DACH2: variants seen among roughly 807,000 people sequenced by gnomAD.
DACH2 encodes the protein dachshund family transcription factor 2.
DACH2 carries 17 observed loss-of-function variants against 35.8 expected under a neutral mutation model. The ratio of observed to expected loss-of-function variants is 0.48; its 90% CI spans 0.33 to 0.71. The LOEUF is 0.71. Among genes scored for constraint, DACH2 ranks in the 30% least tolerant of loss-of-function variants. DACH2 has a pLI of 0.02. For synonymous variants in DACH2, 195 were observed against 177.3 expected, an observed-to-expected ratio of 1.10 and a Z score of -0.79; for missense variants, 469 against 472.7, an observed-to-expected ratio of 0.99 and a Z score of 0.07.
intron 2 of DACH2, among the ~76,000 whole-genome samples, chrX:86,466,959 G>T (rs2037681807): frequency 9.0e-6 from 1 of 111,466 alleles, no homozygotes; most frequent in Non-Finnish European, 1.9e-5. Flanking sequence ...TTCCTCCTAG[G>T]CCTCCAAGCC....
At chrX:86,264,102 A>G (rs1024980616) in intron 1 of DACH2, among the ~76,000 whole-genome samples, 2 of 112,035 alleles carry the variant, frequency 1.8e-5, no homozygotes, top group African/African-American at 6.5e-5. Context: ...GATTTTCTGT[A>G]TATAATTTAT....
chrX:86,402,718 T>C (rs1165561586), intron 2 of DACH2, among the ~76,000 whole-genome samples: 1 of 111,610 alleles, frequency 9.0e-6, no homozygotes, highest in Non-Finnish European at 1.9e-5. Context: ...AGAGCCCAAA[T>C]AGTCAAAGCA....
chrX:86,619,899 A>C (rs1249927912), intron 3 of DACH2, among the ~76,000 whole-genome samples: 1 of 112,283 alleles, frequency 8.9e-6, no homozygotes, highest in Non-Finnish European at 1.9e-5. Flanking sequence ...GCCATTATAC[A>C]CGAAGAGACT....
At chrX:86,210,861 G>A (rs1322355376) in intron 1 of DACH2, among the ~76,000 whole-genome samples, 5 of 111,841 alleles carry the variant, frequency 4.5e-5, no homozygotes, top group African/African-American at 1.3e-4. Context: ...AATGTCAGAC[G>A]TGTCAGGGGG....
chrX:86,222,286 T>G (rs2032729894), intron 1 of DACH2, among the ~76,000 whole-genome samples: 1 of 112,019 alleles, frequency 8.9e-6, no homozygotes, highest in Admixed American at 9.5e-5. Flanking sequence ...AAGTATTGCT[T>G]TAGATTTTGA....
intron 2 of DACH2, among the ~76,000 whole-genome samples, chrX:86,432,770 G>A (rs1276404728): frequency 8.9e-6 from 1 of 112,022 alleles, no homozygotes; most frequent in Non-Finnish European, 1.9e-5. Context: ...GGAGTTTTAG[G>A]TTTAGATTTA....
At chrX:86,384,729 T>C (rs767431700) in intron 2 of DACH2, among the ~76,000 whole-genome samples, 13 of 111,995 alleles carry the variant, frequency 1.2e-4, no homozygotes, top group African/African-American at 4.2e-4. Context: ...AATAAATCCA[T>C]TAGAAAGGTG....
chrX:86,315,825 A>G (rs1480030463), intron 1 of DACH2, among the ~76,000 whole-genome samples: 4 of 100,807 alleles, frequency 4.0e-5, no homozygotes, highest in Non-Finnish European at 7.9e-5. Flanking sequence ...ACACACACAC[A>G]CACACACACA....
At chrX:86,468,557 T>A (rs751731162) in intron 2 of DACH2, among the ~76,000 whole-genome samples, 2 of 111,598 alleles carry the variant, frequency 1.8e-5, no homozygotes, top group Non-Finnish European at 3.8e-5. Flanking sequence ...ACTTCCAATT[T>A]CTCCTTGAGT....
intron 4 of DACH2, among the ~76,000 whole-genome samples, chrX:86,675,281 G>A (rs2040813206): frequency 8.9e-6 from 1 of 111,901 alleles, no homozygotes; most frequent in Non-Finnish European, 1.9e-5. Context: ...CCTATAGGAG[G>A]CAAACTGAGG....
chrX:86,382,124 ATTCT>A (rs1236357373), intron 2 of DACH2, among the ~76,000 whole-genome samples: 8 of 110,023 alleles, frequency 7.3e-5, no homozygotes, highest in African/African-American at 2.6e-4. Context: ...ACGACTCTAT[ATTCT>A]TTCTTTCTTT....
intron 1 of DACH2, among the ~76,000 whole-genome samples, chrX:86,194,566 A>G (rs2031924741): frequency 8.9e-6 from 1 of 112,455 alleles, no homozygotes; most frequent in Admixed American, 9.4e-5. Context: ...GCAAATCCAG[A>G]GGAATGAATG....
chrX:86,609,062 CT>C (rs2039896458), intron 3 of DACH2, among the ~76,000 whole-genome samples: 1 of 111,444 alleles, frequency 9.0e-6, no homozygotes, highest in Non-Finnish European at 1.9e-5. Context: ...AAACTTTCTC[CT>C]TCTGTCTCTT....
chrX:86,712,733 GAA>G (rs1367952764), intron 5 of DACH2, among the ~76,000 whole-genome samples: 1 of 111,026 alleles, frequency 9.0e-6, no homozygotes, highest in Non-Finnish European at 1.9e-5. Context: ...ATAATTGCAA[GAA>G]AAATGTTTCA....
Position 86,502,011 on chromosome X carries a change from TTTCCTTCCTTCCTTCCTTCC to T in DACH2, c.528-12244_528-12225del, listed in dbSNP as rs533021751. Reference sequence around the variant, plus strand: ...ATTTTGAATAATCCTTCTTTCCTTCTTTCCTTCCTTCCTTCCTTCCTTCCTTCCTTCCTTCCTTCCTTCTT... The same window carrying T: ...ATTTTGAATAATCCTTCTTTCCTTCTTTCCTTCCTTCCTTCCTTCCTTCTT... On this transcript the variant is annotated intron_variant, in intron 2 of 11. Transcript: ENST00000373125. Among the ~76,000 whole-genome samples, 146 of 95,530 alleles carry T rather than the reference TTTCCTTCCTTCCTTCCTTCC, an allele frequency of 1.5e-3. 1 individual carries two copies. The highest frequency in any genetic ancestry group is 2.0e-3 in the Non-Finnish European group (96 of 47,338). The allele number at this position is 95,530 out of a possible 115,157, so 83.0% of individuals were successfully genotyped here.
At position 86,832,174 on chromosome X, in the gene DACH2, A is replaced by G; in HGVS notation, c.*19A>G. 8.7e-7 allele frequency: 1 copy of G among 1,154,246 alleles called. No individual in the cohort carries two copies. Among genetic ancestry groups the G allele is most frequent in the Non-Finnish European group, 1.2e-6 (1 of 846,592 alleles). ...AGCCTGAAAGGTCCTCGCTGGCTTT[A>G]CATAAATGAAGATGCTTGTGATTCC... On this transcript the variant is annotated 3_prime_UTR_variant, in exon 12 of 12. Transcript: ENST00000373125.
At position 86,503,419 on chromosome X, in the gene DACH2, T is replaced by C. The variant is rs2038279219; in HGVS notation, c.528-10860T>C. Among the ~76,000 whole-genome samples the C allele has an allele frequency of 2.7e-5, 3 of 112,536 alleles. No individual in the cohort carries two copies. In the Admixed American group the frequency reaches 2.8e-4, roughly 11 times the overall value. ...GATTTGAATCTAAAGTTAACTAATGTATTAACTAGTGGAATTTGATTTCAT... is the reference window on the plus strand; with the variant it reads ...GATTTGAATCTAAAGTTAACTAATGCATTAACTAGTGGAATTTGATTTCAT... On this transcript the variant is annotated intron_variant, in intron 2 of 11. Transcript: ENST00000373125.
At chrX:86,747,120 A>G (rs2041721112) in intron 7 of DACH2, among the ~76,000 whole-genome samples, 1 of 111,637 alleles carries the variant, frequency 9.0e-6, no homozygotes, top group Non-Finnish European at 1.9e-5. Flanking sequence ...TTTAAAATAA[A>G]GACATATGAG....
chrX:86,184,509 G>T (rs1431298722), intron 1 of DACH2, among the ~76,000 whole-genome samples: 1 of 110,967 alleles, frequency 9.0e-6, no homozygotes, highest in Non-Finnish European at 1.9e-5. Flanking sequence ...TGTTTTTAAA[G>T]GAGCCAAAGA....
Sources: allele counts gnomAD v4.1 joint callset (sites outside exome capture counted in the v4.1 genomes callset), GRCh38; gene constraint gnomAD v4.1.1; transcripts MANE v1.5; gene names NCBI Gene and HGNC (gene_info 2026-07-23, HGNC 2026-07-21).